RPS6KA4: variants seen among roughly 807,000 people sequenced by gnomAD.
RPS6KA4 encodes ribosomal protein S6 kinase A4, also known as ribosomal protein S6 kinase alpha-4.
RPS6KA4 carries 38 observed loss-of-function variants against 89.6 expected under a neutral mutation model. The observed-to-expected ratio is 0.42, with a 90% CI of 0.33 to 0.56. The LOEUF is 0.56. Among genes scored for constraint, RPS6KA4 ranks in the 20% least tolerant of loss-of-function variants. RPS6KA4 has a pLI of 0.07. For missense variants in RPS6KA4, 873 were observed against 1,098.8 expected, an observed-to-expected ratio of 0.79 and a Z score of 2.90; for synonymous variants, 495 against 492.8, an observed-to-expected ratio of 1.00 and a Z score of -0.06.
At chr11:64,359,572 C>A in intron 2 of RPS6KA4, 123 bp downstream of exon 2, 1 of 1,022,646 alleles carries the variant, frequency 9.8e-7, no homozygotes, top group African/African-American at 1.6e-5. Flanking sequence ...GCACAGCCTG[C>A]CTTGCCTGCC....
intron 8 of RPS6KA4, among the ~76,000 whole-genome samples, chr11:64,364,943 G>A (rs1271640619): frequency 2.0e-5 from 3 of 149,924 alleles, no homozygotes; most frequent in African/African-American, 7.4e-5. Flanking sequence ...AGTAGAGATG[G>A]GGTTTCACCA....
rs745655854 is a variant in RPS6KA4 at position 64,370,705 on chromosome 11, G to A, written c.2100G>A (p.Ser700=). ...VLESSGPAVR[S]GLNATFMAFN... ...AGTCCTCTGGGCCCGCAGTGCGCTC[G>A]GGTCTCAACGCCACCTTCATGGTAA... The change falls in exon 16 of 17, where the codon TCG becomes TCA. Residue 700 remains serine, a synonymous_variant. Coordinates refer to ENST00000334205, the MANE Select transcript of RPS6KA4 (RefSeq NM_003942.3). The surrounding 1 kb of genome is among the most constrained non-coding windows in gnomAD (Gnocchi z 4.1). The A allele has an allele frequency of 1.9e-6, 3 of 1,560,656 alleles. No homozygotes were observed. The highest frequency in any genetic ancestry group is 2.3e-5 in the East Asian group (1 of 43,764).
At chr11:64,360,678 TTC>T in intron 4 of RPS6KA4, 86 bp downstream of exon 4, 2 of 1,224,878 alleles carry the variant, frequency 1.6e-6, no homozygotes, top group Non-Finnish European at 2.3e-6. Context: ...AGCCTCAGGC[TTC>T]CCCCTGGGCT....
At chr11:64,360,639 G>A (rs2036720297) in intron 4 of RPS6KA4, 47 bp downstream of exon 4, 1 of 1,501,248 alleles carries the variant, frequency 6.7e-7, no homozygotes, top group Non-Finnish European at 9.1e-7. Flanking sequence ...AACTGGGTCT[G>A]TGCCTTGGAA....
Position 64,371,835 on chromosome 11 carries a change from A to AC in RPS6KA4, c.*360dup. The AC allele has an allele frequency of 5.3e-6, 1 of 188,444 alleles. No individual in the cohort carries two copies. 11.7% of individuals were successfully genotyped at this position (188,444 alleles called of 1,614,324 possible). A position where few individuals can be genotyped will look rare whatever the true frequency, so the allele number is the denominator to read the frequency against. ...TAGGAGTGCTAACTCCTAAACTGGG[A>AC]CCCCCTACCCTGTTCTCCCCTGAGG... On this transcript the variant is annotated 3_prime_UTR_variant, in exon 17 of 17. Transcript: ENST00000334205.
At chr11:64,371,167 GC>G in intron 16 of RPS6KA4, 115 bp from the exon 17 acceptor site, 1 of 892,312 alleles carries the variant, frequency 1.1e-6, no homozygotes, top group South Asian at 1.6e-5. Context: ...GGAGGCCAAG[GC>G]CCTGTCGGCC....
Position 64,359,272 on chromosome 11 carries a change from G to A in RPS6KA4, c.37G>A (p.Glu13Lys). Residue 13 changes from glutamate to lysine, a missense_variant, in exon 1 of 17, where the codon GAG becomes AAG. Coordinates refer to ENST00000334205, the MANE Select transcript of RPS6KA4 (RefSeq NM_003942.3). ...DEDDDESCAV[E>K]LRITEANLTG... ...GGACGACGATGAGAGCTGCGCCGTG[G>A]AGCTGCGGATCACAGAAGGTGGGTG... 2 of 1,556,226 alleles carry A rather than the reference G, an allele frequency of 1.3e-6. No individual in the cohort carries two copies. Among genetic ancestry groups the A allele is most frequent in the South Asian group, 1.2e-5 (1 of 84,478 alleles).
At position 64,370,452 on chromosome 11, in the gene RPS6KA4, C is replaced by T. The variant is rs2037030848; in HGVS notation, c.1957+68C>T. The T allele has an allele frequency of 6.2e-7, 1 of 1,605,372 alleles. No individual in the cohort carries two copies. The highest frequency in any genetic ancestry group is 1.3e-5 in the African/African-American group (1 of 74,490). On this transcript the variant is annotated intron_variant, in intron 15 of 16. Transcript: ENST00000334205. The surrounding 1 kb of genome is among the most constrained non-coding windows in gnomAD (Gnocchi z 4.1). Reference sequence around the variant, plus strand: ...GCTGGGACAGGGATGGTCACTGGGCCAGGTGTCCTGGTTGGGGATGGGTAG... The same window carrying T: ...GCTGGGACAGGGATGGTCACTGGGCTAGGTGTCCTGGTTGGGGATGGGTAG...
rs535724133 is a variant in RPS6KA4, at chr11:64,370,163, G to A, written c.1798-62G>A. On this transcript the variant is annotated intron_variant, in intron 14 of 16. Coordinates refer to ENST00000334205, the MANE Select transcript of RPS6KA4 (RefSeq NM_003942.3). The surrounding 1 kb of genome is among the most constrained non-coding windows in gnomAD (Gnocchi z 4.1). ...GGGGAGGGTGAGTGGTTCTGTGGGA[G>A]CGGAGGGGTCAGCCTCGGCACCCCA... is the stretch of plus-strand genomic sequence containing the variant. The A allele has an allele frequency of 2.4e-4, 357 of 1,494,036 alleles. No homozygotes were observed. The highest frequency in any genetic ancestry group is 2.9e-4 in the Non-Finnish European group (326 of 1,122,066). 92.5% of individuals were successfully genotyped at this position (1,494,036 alleles called of 1,614,324 possible). A position where few individuals can be genotyped will look rare whatever the true frequency, so the allele number is the denominator to read the frequency against.
chr11:64,359,294 G>A lies in RPS6KA4; in HGVS notation c.55+4G>A. The stretch of plus-strand genomic sequence containing the variant: ...GTGGAGCTGCGGATCACAGAAGGTG[G>A]GTGTGGGGCCTGACTGCGGCTGCCC... On this transcript the variant is annotated splice_donor_region_variant and intron_variant, in intron 1 of 16. Coordinates refer to ENST00000334205, the MANE Select transcript of RPS6KA4 (RefSeq NM_003942.3). The A allele has an allele frequency of 1.3e-6, 2 of 1,587,554 alleles. No individual in the cohort carries two copies. The highest frequency in any genetic ancestry group is 1.7e-6 in the Non-Finnish European group (2 of 1,165,646).
chr11:64,368,452 TCGCCTTCGCCTC>T lies in RPS6KA4; in HGVS notation c.1201-14_1201-3del, dbSNP rs1565072909. On this transcript the variant is annotated splice_polypyrimidine_tract_variant and splice_region_variant and intron_variant, in intron 10 of 16. Coordinates refer to ENST00000334205, the MANE Select transcript of RPS6KA4 (RefSeq NM_003942.3). ...TGACGCGCCGCCTTCGCCTTCGCCT[TCGCCTTCGCCTC>T]CAGGACTCGCCCTTCTTCCAGCAGT... 6.5e-7 allele frequency: 1 copy of T among 1,547,164 alleles called. No individual in the cohort carries two copies. Among genetic ancestry groups the T allele is most frequent in the Non-Finnish European group, 8.7e-7 (1 of 1,146,532 alleles).
rs879325846 is a variant in RPS6KA4, at chr11:64,371,265, C to T, written c.2122-18C>T. Reference sequence around the variant, plus strand: ...GGTCAGGCGGGGGTGGGGGCACTCACCCTTTCCTTTCTGCCAGGCATTCAA... The same window carrying T: ...GGTCAGGCGGGGGTGGGGGCACTCATCCTTTCCTTTCTGCCAGGCATTCAA... On this transcript the variant is annotated intron_variant, in intron 16 of 16. Coordinates refer to ENST00000334205, the MANE Select transcript of RPS6KA4 (RefSeq NM_003942.3). 1 of 1,611,658 alleles carries T rather than the reference C, an allele frequency of 6.2e-7. No individual in the cohort carries two copies.
At chr11:64,368,864 G>A in intron 12 of RPS6KA4, 67 bp downstream of exon 12, 1 of 1,411,958 alleles carries the variant, frequency 7.1e-7, no homozygotes, top group East Asian at 2.5e-5. Flanking sequence ...GGGGCACTAT[G>A]GGCGGGATCT....
rs770905584 is a variant in RPS6KA4, at chr11:64,368,741, C to T, written c.1372C>T (p.Arg458Cys). The stretch of plus-strand genomic sequence containing the variant: ...CACGCAGCGCGAAGTGGCTGCCCTG[C>T]GCCTGTGCCAGTCACACCCCAACGT... The part of the protein sequence containing the change: ...ANTQREVAAL[R>C]LCQSHPNVVN... Residue 458 changes from arginine to cysteine, a missense_variant, in exon 12 of 17, where the codon CGC (arginine) becomes TGC (cysteine). Arg to Cys is a radical substitution (Grantham distance 180). Transcript: ENST00000334205. The T allele has an allele frequency of 5.7e-6, 9 of 1,574,908 alleles. No individual in the cohort carries two copies. Among genetic ancestry groups the T allele is most frequent in the South Asian group, 1.2e-5 (1 of 86,214 alleles).
intron 2 of RPS6KA4, 122 bp downstream of exon 2, chr11:64,359,571 G>A: frequency 9.6e-7 from 1 of 1,046,400 alleles, no homozygotes. Context: ...GGCACAGCCT[G>A]CCTTGCCTGC....
At chr11:64,362,987 T>G (rs1201741506) in intron 8 of RPS6KA4, among the ~76,000 whole-genome samples, 2 of 152,174 alleles carry the variant, frequency 1.3e-5, no homozygotes, top group Non-Finnish European at 2.9e-5. Context: ...ACCTTGATTT[T>G]TGTCCCCATC....
chr11:64,367,620 A>T (rs1038420792), intron 9 of RPS6KA4, among the ~76,000 whole-genome samples: 1 of 152,142 alleles, frequency 6.6e-6, no homozygotes, highest in African/African-American at 2.4e-5. Flanking sequence ...CACAACACGC[A>T]ATTAAAATGA....
Position 64,368,688 on chromosome 11 carries a change from C to A in RPS6KA4, c.1335-16C>A, listed in dbSNP as rs572202156. 7.6e-6 allele frequency: 12 copies of A among 1,575,172 alleles called. No homozygotes were observed. In the South Asian group the frequency reaches 1.3e-4, roughly 17 times the overall value. On this transcript the variant is annotated splice_polypyrimidine_tract_variant and intron_variant, in intron 11 of 16. Transcript: ENST00000334205. ...CGAAGCGCGGCGACCGTAACTCCTT[C>A]TGCTCCGTCCCCCAGGCTGGAGGCG... is the stretch of plus-strand genomic sequence containing the variant.
rs1056140993 is a variant in RPS6KA4 at position 64,370,841 on chromosome 11, C to A, written c.2121+115C>A. The A allele has an allele frequency of 9.1e-6, 12 of 1,313,822 alleles. No homozygotes were observed. Among genetic ancestry groups the A allele is most frequent in the African/African-American group, 6.0e-5 (4 of 67,138 alleles). The allele number at this position is 1,313,822 out of a possible 1,614,324, so 81.4% of individuals were successfully genotyped here. ...CGAGGTGAGGCCGGGCGCGGTGGCTCACGCCTGTAATCCCAGCGCTTTGGG... is the reference window on the plus strand; with the variant it reads ...CGAGGTGAGGCCGGGCGCGGTGGCTAACGCCTGTAATCCCAGCGCTTTGGG... On this transcript the variant is annotated intron_variant, in intron 16 of 16. Coordinates refer to ENST00000334205, the MANE Select transcript of RPS6KA4 (RefSeq NM_003942.3). This position sits in a 1 kb window ranked among gnomAD's most constrained non-coding sequence, Gnocchi z 4.1.
Sources: allele counts gnomAD v4.1 joint callset (sites outside exome capture counted in the v4.1 genomes callset), GRCh38; gene constraint gnomAD v4.1.1; non-coding constraint Gnocchi (gnomAD v3.1); transcripts MANE v1.5; gene names NCBI Gene and HGNC (gene_info 2026-07-23, HGNC 2026-07-21).